Variants in ST3GAL2 observed in about 807,000 individuals in gnomAD.
ST3GAL2 encodes the protein CMP-N-acetylneuraminate-beta-galactosamide-alpha-2,3-sialyltransferase 2.
ST3GAL2 carries 16 observed loss-of-function variants against 37.5 expected under a neutral mutation model. The ratio of observed to expected loss-of-function variants is 0.43; its 90% CI spans 0.29 to 0.65. ST3GAL2 has a LOEUF of 0.65. Ranked by LOEUF, ST3GAL2 falls within the 30% of genes least tolerant of loss-of-function variation. The probability of loss-of-function intolerance (pLI) is 0.17; values close to 1 mark genes in which losing one functional copy is unlikely to be tolerated. For missense variants in ST3GAL2, 383 were observed against 487.8 expected (o/e 0.79, Z 2.02); for synonymous variants, 238 against 202.9 (o/e 1.17, Z -1.47).
chr16:70,398,752 C>G lies in ST3GAL2; in HGVS notation c.-222G>C. 1.7e-6 allele frequency: 1 copy of G among 597,610 alleles called. No homozygotes were observed. The highest frequency in any genetic ancestry group is 3.0e-6 in the Non-Finnish European group (1 of 336,738). The allele number at this position is 597,610 out of a possible 1,614,324, so 37.0% of individuals were successfully genotyped here. A position where few individuals can be genotyped will look rare whatever the true frequency, so the allele number is the denominator to read the frequency against. On this transcript the variant is annotated 5_prime_UTR_variant, in exon 2 of 7. Coordinates refer to ENST00000342907, the MANE Select transcript of ST3GAL2 (RefSeq NM_006927.4). ...GTCCTGTCCCTGAGTCAGGCGGGGC[C>G]CCTGCTTAGGGCTTCATCGGGTCTC... is the stretch of plus-strand genomic sequence containing the variant.
At chr16:70,431,396 G>A (rs1443670431) in intron 1 of ST3GAL2, among the ~76,000 whole-genome samples, 1 of 152,232 alleles carries the variant, frequency 6.6e-6, no homozygotes, top group Non-Finnish European at 1.5e-5. Flanking sequence ...GACAGAGCAG[G>A]TCCTTGGGTC....
At chr16:70,396,465 C>A (rs111964389) in intron 2 of ST3GAL2, among the ~76,000 whole-genome samples, 7 of 152,110 alleles carry the variant, frequency 4.6e-5, no homozygotes, top group African/African-American at 1.7e-4. Flanking sequence ...ATTAGCCAGG[C>A]GTGGTGGCAC....
chr16:70,436,356 CAA>C (rs1455679718), intron 1 of ST3GAL2, among the ~76,000 whole-genome samples: 1 of 147,640 alleles, frequency 6.8e-6, no homozygotes, highest in Non-Finnish European at 1.5e-5. Context: ...AAGGCCGAGA[CAA>C]GAGAATTGCT....
At chr16:70,421,376 G>A (rs1419104566) in intron 1 of ST3GAL2, among the ~76,000 whole-genome samples, 6 of 152,202 alleles carry the variant, frequency 3.9e-5, no homozygotes, top group African/African-American at 9.7e-5. Flanking sequence ...GTTGGGGGAC[G>A]CCAAGGGCCC....
At position 70,435,630 on chromosome 16, in the gene ST3GAL2, A is replaced by T. The variant is rs186690343; in HGVS notation, c.-1004+3319T>A. Among the ~76,000 whole-genome samples the T allele has an allele frequency of 5.1e-4, 78 of 151,470 alleles. No individual in the cohort carries two copies. The East Asian group carries it at 0.014, about 28-fold the overall frequency. On this transcript the variant is annotated intron_variant, in intron 1 of 6. Transcript: ENST00000342907. Reference sequence around the variant, plus strand: ...TAAAATAAAAAATAAAATAAATTTTAAAAAAATACAAAAATTAGCCGGGCA... The same window carrying T: ...TAAAATAAAAAATAAAATAAATTTTTAAAAAATACAAAAATTAGCCGGGCA...
chr16:70,412,307 T>C (rs960062942), intron 1 of ST3GAL2, among the ~76,000 whole-genome samples: 2 of 152,216 alleles, frequency 1.3e-5, no homozygotes, highest in African/African-American at 4.8e-5. Context: ...TGTGATCTAA[T>C]TGTCAATTCT....
intron 1 of ST3GAL2, chr16:70,401,040 C>T (rs1365707182): frequency 6.6e-6 from 1 of 152,294 alleles, no homozygotes; most frequent in Non-Finnish European, 1.5e-5. Flanking sequence ...GCATGCCCAA[C>T]ATCTAAGGAC....
At chr16:70,393,521 C>T (rs2047495616) in intron 3 of ST3GAL2, among the ~76,000 whole-genome samples, 1 of 152,248 alleles carries the variant, frequency 6.6e-6, no homozygotes, top group Non-Finnish European at 1.5e-5. Context: ...AAACTTGATG[C>T]AGGTGCTTTG....
chr16:70,394,929 C>G, intron 3 of ST3GAL2, 53 bp downstream of exon 3: 1 of 1,581,608 alleles, frequency 6.3e-7, no homozygotes, highest in Non-Finnish European at 8.6e-7. Context: ...GGAGGGCAGT[C>G]CCCTTCCCGG....
intron 1 of ST3GAL2, among the ~76,000 whole-genome samples, chr16:70,436,373 C>T (rs1339323587): frequency 6.6e-6 from 1 of 151,576 alleles, no homozygotes; most frequent in Non-Finnish European, 1.5e-5. Context: ...ATTGCTTGAA[C>T]CCTGGAGGCA....
intron 1 of ST3GAL2, among the ~76,000 whole-genome samples, chr16:70,423,993 GC>G (rs1279509313): frequency 6.6e-6 from 1 of 151,904 alleles, no homozygotes; most frequent in Non-Finnish European, 1.5e-5. Flanking sequence ...GGGAGGCAGA[GC>G]TGGCAGTGAG....
At chr16:70,389,245 G>A (rs561264508) in intron 3 of ST3GAL2, among the ~76,000 whole-genome samples, 57 of 61,316 alleles carry the variant, frequency 9.3e-4, no homozygotes, top group East Asian at 1.9e-3. Flanking sequence ...AAAAAAAAAA[G>A]GTTACTAACA....
chr16:70,395,751 C>G (rs74026020), intron 2 of ST3GAL2, among the ~76,000 whole-genome samples: 1 of 152,134 alleles, frequency 6.6e-6, no homozygotes, highest in Non-Finnish European at 1.5e-5. Flanking sequence ...GACCATGAAA[C>G]GAGGCAGCAC....
At chr16:70,394,039 G>C (rs1053044673) in intron 3 of ST3GAL2, among the ~76,000 whole-genome samples, 1 of 152,166 alleles carries the variant, frequency 6.6e-6, no homozygotes, top group Non-Finnish European at 1.5e-5. Flanking sequence ...GGGGATGTCA[G>C]AAAACGCAGG....
At chr16:70,399,626 AGAG>A in intron 1 of ST3GAL2, 93 bp from the exon 2 acceptor site, 1 of 394,956 alleles carries the variant, frequency 2.5e-6, no homozygotes. Flanking sequence ...AGCTAGCAGG[AGAG>A]GAGATGCCCA....
At chr16:70,394,226 C>T (rs576336196) in intron 3 of ST3GAL2, among the ~76,000 whole-genome samples, 21 of 152,294 alleles carry the variant, frequency 1.4e-4, no homozygotes, top group East Asian at 1.9e-4. Flanking sequence ...GAGCAAATAC[C>T]GAACAGCTCC....
At chr16:70,419,157 C>T (rs1006755516) in intron 1 of ST3GAL2, among the ~76,000 whole-genome samples, 7 of 152,206 alleles carry the variant, frequency 4.6e-5, no homozygotes, top group African/African-American at 1.7e-4. Context: ...CTGGAAAAGG[C>T]TCAGGCCTGC....
At position 70,376,601 on chromosome 16, in the gene ST3GAL2, G is replaced by A. The variant is rs2047347579; in HGVS notation, c.*5088C>T. The A allele has an allele frequency of 6.6e-6, 1 of 152,020 alleles. No homozygotes were observed. Among genetic ancestry groups the A allele is most frequent in the African/African-American group, 2.4e-5 (1 of 41,368 alleles). The allele number at this position is 152,020 out of a possible 1,614,324, so 9.4% of individuals were successfully genotyped here. On this transcript the variant is annotated 3_prime_UTR_variant, in exon 7 of 7. Transcript: ENST00000342907. ...TTTTTTCACAAAAGTAGTGAGAAGG[G>A]GCATTGATTCCTAATTCACACTCAA...
At position 70,389,710 on chromosome 16, in the gene ST3GAL2, G is replaced by A. The variant is rs146079503; in HGVS notation, c.534-1164C>T. 4.2e-3 allele frequency among the ~76,000 whole-genome samples: 631 copies of A among 151,518 alleles called. 2 individuals carry two copies. The highest frequency in any genetic ancestry group is 0.014 in the Middle Eastern group (4 of 288). ...CCATCTACTGACCTCGTGATGCGCC[G>A]GCCTCGGCCTCCCAAAGTGCTGGGA... On this transcript the variant is annotated intron_variant, in intron 3 of 6. Coordinates refer to ENST00000342907, the MANE Select transcript of ST3GAL2 (RefSeq NM_006927.4).
Sources: gnomAD v4.1 joint callset for allele counts (sites outside exome capture counted in the v4.1 genomes callset) on GRCh38, gnomAD v4.1.1 for gene constraint, MANE v1.5 for transcripts, NCBI Gene and HGNC (gene_info 2026-07-23, HGNC 2026-07-21) for gene names.